Variants in UTRN observed in about 807,000 individuals in gnomAD.
UTRN encodes the protein dystrophin-related protein 1.
Under a neutral mutation model 463.9 loss-of-function variants are expected in UTRN, and 283 were observed. The observed-to-expected ratio is 0.61, with a 90% CI of 0.55 to 0.67. The LOEUF is 0.67. UTRN is among the 30% of genes least tolerant of loss of function. UTRN has a pLI of 0.00. For synonymous variants in UTRN, 1,442 were observed against 1,431.5 expected (o/e 1.01, Z -0.17); for missense variants, 3,922 against 4,084.3 (o/e 0.96, Z 1.08).
At chr6:144,390,275 G>A (rs761835443) in intron 2 of UTRN, among the ~76,000 whole-genome samples, 4 of 152,040 alleles carry the variant, frequency 2.6e-5, no homozygotes, top group African/African-American at 9.7e-5. Flanking sequence ...AATACCTATT[G>A]CATCCACCTC....
At chr6:144,306,064 GCACACAC>G (rs1051232112) in intron 2 of UTRN, among the ~76,000 whole-genome samples, 1 of 152,144 alleles carries the variant, frequency 6.6e-6, no homozygotes, top group Non-Finnish European at 1.5e-5. Flanking sequence ...CTCACACCCT[GCACACAC>G]CACACACCAC....
At position 144,803,062 on chromosome 6, in the gene UTRN, A is replaced by C; in HGVS notation, c.9272A>C (p.Tyr3091Ser). ...FRYRSLKHFN[Y>S]DVCQSCFFSG... ...TATAGAAGCCTTAAGCATTTTAACT[A>C]TGATGTCTGCCAGAGTTGTTTCTTT... The change falls in exon 65 of 75, where the codon TAT becomes TCT. Residue 3091 changes from tyrosine (Y) to serine (S), a missense_variant. This residue lies in a region of UTRN where 1,309 missense variants were observed against 1,452.6 expected (regional missense o/e 0.90). Transcript: ENST00000367545. 1 of 1,587,202 alleles carries C rather than the reference A, an allele frequency of 6.3e-7. No individual in the cohort carries two copies. The highest frequency in any genetic ancestry group is 8.6e-7 in the Non-Finnish European group (1 of 1,168,460).
At chr6:144,657,775 G>A (rs142320871) in intron 51 of UTRN, among the ~76,000 whole-genome samples, 2 of 152,168 alleles carry the variant, frequency 1.3e-5, no homozygotes, top group South Asian at 2.1e-4. Flanking sequence ...ATGGAATGGC[G>A]TGTTTGCACA....
intron 51 of UTRN, among the ~76,000 whole-genome samples, chr6:144,661,412 A>G (rs753205651): frequency 5.9e-5 from 9 of 152,106 alleles, no homozygotes; most frequent in Non-Finnish European, 1.3e-4. Flanking sequence ...GCTTCTCCCA[A>G]TCTCTCTCTG....
chr6:144,487,453 T>C (rs1792573953), intron 28 of UTRN, 95 bp from the exon 29 acceptor site: 2 of 1,269,084 alleles, frequency 1.6e-6, no homozygotes, highest in South Asian at 2.3e-5. Context: ...TTAGAAAATA[T>C]AATTACTTGT....
chr6:144,575,574 C>T (rs1801357563), intron 50 of UTRN, among the ~76,000 whole-genome samples: 1 of 152,258 alleles, frequency 6.6e-6, no homozygotes, highest in South Asian at 2.1e-4. Flanking sequence ...AGAGAGAGAT[C>T]ACATTGACGG....
At chr6:144,661,338 C>T (rs1446816851) in intron 51 of UTRN, among the ~76,000 whole-genome samples, 3 of 152,090 alleles carry the variant, frequency 2.0e-5, no homozygotes, top group Admixed American at 1.3e-4. Flanking sequence ...ATGATAGGAA[C>T]GTTATGGTGG....
intron 43 of UTRN, among the ~76,000 whole-genome samples, chr6:144,533,711 C>T (rs1216084641): frequency 8.3e-6 from 1 of 120,670 alleles, no homozygotes; most frequent in Non-Finnish European, 1.7e-5. Context: ...TAAAGTTCTT[C>T]ATCTATGTAA....
At chr6:144,673,202 G>T (rs1032225215) in intron 51 of UTRN, among the ~76,000 whole-genome samples, 3 of 152,082 alleles carry the variant, frequency 2.0e-5, no homozygotes, top group African/African-American at 7.2e-5. Context: ...TTGTTCTAGG[G>T]TATAGTTTAA....
chr6:144,761,828 G>A (rs1188101614), intron 58 of UTRN, among the ~76,000 whole-genome samples: 2 of 151,992 alleles, frequency 1.3e-5, no homozygotes, highest in East Asian at 1.9e-4. Context: ...CAACTTCCAG[G>A]GAATATGAGG....
At chr6:144,747,062 G>A (rs1790831360) in intron 54 of UTRN, among the ~76,000 whole-genome samples, 1 of 152,194 alleles carries the variant, frequency 6.6e-6, no homozygotes, top group African/African-American at 2.4e-5. Context: ...CACTGAGGAT[G>A]AAAGTTACAG....
chr6:144,343,747 T>C (rs1367885803), intron 2 of UTRN, among the ~76,000 whole-genome samples: 3 of 152,120 alleles, frequency 2.0e-5, no homozygotes, highest in Non-Finnish European at 4.4e-5. Context: ...TATAGTGAAA[T>C]AATAAGTCCA....
chr6:144,591,232 G>A (rs1221401001), intron 51 of UTRN, among the ~76,000 whole-genome samples: 1 of 152,082 alleles, frequency 6.6e-6, no homozygotes, highest in Non-Finnish European at 1.5e-5. Context: ...GACTCACTGG[G>A]GTTCAGATGC....
chr6:144,479,042 T>C (rs895455377), intron 25 of UTRN, among the ~76,000 whole-genome samples: 2 of 152,144 alleles, frequency 1.3e-5, no homozygotes, highest in African/African-American at 4.8e-5. Flanking sequence ...CCCTCCCTGC[T>C]TTTTAAAAGT....
Position 144,487,668 on chromosome 6 carries a change from A to G in UTRN, c.3943A>G (p.Asn1315Asp), listed in dbSNP as rs772975456. The G allele has an allele frequency of 1.9e-6, 3 of 1,612,724 alleles. No homozygotes were observed. Among genetic ancestry groups the G allele is most frequent in the Non-Finnish European group, 1.7e-6 (2 of 1,179,224 alleles). The change falls in exon 29 of 75, where the codon AAC (asparagine) becomes GAC (aspartate). Residue 1315 changes from asparagine (N) to aspartate (D), a missense_variant. By Grantham distance (23) the Asn-to-Asp change is conservative (BLOSUM62 1). This residue lies in a region of UTRN where 2,349 missense variants were observed against 2,303.8 expected (regional missense o/e 1.02). Transcript: ENST00000367545. ...DIISEKLEAF[N>D]SRYEDLSHLA... ...AATCAGTGAGAAACTGGAGGCTTTC[A>G]ACAGCCGATATGAAGATCTAAGTCA...
intron 65 of UTRN, among the ~76,000 whole-genome samples, chr6:144,804,877 G>A (rs993234415): frequency 2.6e-5 from 4 of 152,084 alleles, no homozygotes; most frequent in African/African-American, 9.7e-5. Flanking sequence ...GAGTGAGCAG[G>A]GACCTGTCTT....
In UTRN at chr6:144,459,272, C is replaced by T; in HGVS notation, c.2625C>T (p.Val875=). Residue 875 remains valine (V), a synonymous_variant, in exon 21 of 75, where the codon GTC becomes GTT. Coordinates refer to ENST00000367545, the MANE Select transcript of UTRN (RefSeq NM_007124.3). ...CTCAGCCTTCTGCCCCAGATTTTGT[C>T]CAGCGGGGCTTCGATAGCTTTCTGG... ...LMSQPSAPDF[V]QRGFDSFLGR... 7 of 1,614,078 alleles carry T rather than the reference C, an allele frequency of 4.3e-6. No homozygotes were observed. The highest frequency in any genetic ancestry group is 5.9e-6 in the Non-Finnish European group (7 of 1,180,006).
At chr6:144,366,101 T>C in intron 2 of UTRN, among the ~76,000 whole-genome samples, 1 of 152,246 alleles carries the variant, frequency 6.6e-6, no homozygotes, top group East Asian at 1.9e-4. Flanking sequence ...GTGCATCGCA[T>C]TCTATTTCTG....
At chr6:144,385,691 TG>T (rs895583388) in intron 2 of UTRN, among the ~76,000 whole-genome samples, 2 of 151,026 alleles carry the variant, frequency 1.3e-5, no homozygotes, top group Non-Finnish European at 2.9e-5. Flanking sequence ...ATAAAGACAG[TG>T]CTGCCAGAAC....
Sources: allele counts gnomAD v4.1 joint callset (sites outside exome capture counted in the v4.1 genomes callset), GRCh38; gene constraint gnomAD v4.1.1; regional missense constraint gnomAD v4.1.1; transcripts MANE v1.5; gene names NCBI Gene and HGNC (gene_info 2026-07-23, HGNC 2026-07-21).